C10orf90: variants seen among roughly 807,000 people sequenced by gnomAD.
The protein encoded by C10orf90 is chromosome 10 open reading frame 90, also known as (E2-independent) E3 ubiquitin-conjugating enzyme FATS.
Under a neutral mutation model 62.5 loss-of-function variants are expected in C10orf90, and 56 were observed. The observed-to-expected ratio is 0.90, with a 90% confidence interval of 0.72 to 1.12. The LOEUF (loss-of-function observed/expected upper bound fraction) is 1.12. C10orf90 is among the 50% of genes most tolerant of loss of function. The pLI, the probability that C10orf90 is intolerant of heterozygous loss-of-function variation, is 0.00. For synonymous variants in C10orf90, 386 were observed against 340.4 expected (o/e 1.13, Z -1.47); for missense variants, 970 against 880.4 (o/e 1.10, Z -1.29).
chr10:126,483,230 G>A (rs1360695980), intron 4 of C10orf90, among the ~76,000 whole-genome samples: 1 of 152,202 alleles, frequency 6.6e-6, no homozygotes, highest in South Asian at 2.1e-4. Flanking sequence ...TTCATTCTTC[G>A]CAGGTGAGCC....
chr10:126,557,554 C>T (rs187872793), intron 2 of C10orf90, among the ~76,000 whole-genome samples: 1 of 152,042 alleles, frequency 6.6e-6, no homozygotes, highest in Admixed American at 6.5e-5. Flanking sequence ...GTAAACACTG[C>T]CCGGATTTGA....
chr10:126,466,901 A>G (rs9919398), intron 4 of C10orf90, among the ~76,000 whole-genome samples: 46,696 of 152,114 alleles, frequency 0.31, 7,253 homozygotes, highest in African/African-American at 0.34. Flanking sequence ...TTTTATTTCA[A>G]AACATTGGTT....
chr10:126,532,575 C>G (rs956818145), intron 2 of C10orf90, among the ~76,000 whole-genome samples: 37 of 151,764 alleles, frequency 2.4e-4, no homozygotes, highest in African/African-American at 8.0e-4. Context: ...CGGTGGCTCA[C>G]GCCTATAGTC....
At chr10:126,541,739 C>T (rs940298290) in intron 2 of C10orf90, among the ~76,000 whole-genome samples, 9 of 152,132 alleles carry the variant, frequency 5.9e-5, no homozygotes, top group African/African-American at 1.2e-4. Context: ...AAGTCTCATC[C>T]GTTGCCAATG....
At chr10:126,632,439 T>C (rs1321829384) in intron 2 of C10orf90, among the ~76,000 whole-genome samples, 1 of 151,686 alleles carries the variant, frequency 6.6e-6, no homozygotes, top group East Asian at 2.0e-4. Flanking sequence ...ATATTCCCAT[T>C]TGGTAGATAA....
At chr10:126,562,845 C>T (rs1164978179) in intron 2 of C10orf90, among the ~76,000 whole-genome samples, 2 of 152,174 alleles carry the variant, frequency 1.3e-5, no homozygotes, top group African/African-American at 2.4e-5. Context: ...TGCACATAAC[C>T]CCATCTGCCA....
At chr10:126,493,043 G>A (rs977083261) in intron 4 of C10orf90, among the ~76,000 whole-genome samples, 6 of 151,856 alleles carry the variant, frequency 4.0e-5, no homozygotes, top group African/African-American at 1.2e-4. Context: ...GGAAGCTCAC[G>A]TAGCCATTAA....
At chr10:126,625,908 A>G (rs1382231935) in intron 2 of C10orf90, among the ~76,000 whole-genome samples, 1 of 152,108 alleles carries the variant, frequency 6.6e-6, no homozygotes, top group South Asian at 2.1e-4. Flanking sequence ...TGAGGTCAGG[A>G]GTTAGAAACC....
chr10:126,455,803 A>T (rs961442527), intron 7 of C10orf90, among the ~76,000 whole-genome samples: 2 of 151,706 alleles, frequency 1.3e-5, no homozygotes, highest in African/African-American at 4.8e-5. Context: ...CCTAATTAAC[A>T]CTCACCCACA....
At chr10:126,536,069 C>T (rs929382327) in intron 2 of C10orf90, among the ~76,000 whole-genome samples, 2 of 152,168 alleles carry the variant, frequency 1.3e-5, no homozygotes, top group African/African-American at 2.4e-5. Context: ...GCCCACCATC[C>T]GCAAGATTTG....
intron 2 of C10orf90, among the ~76,000 whole-genome samples, chr10:126,515,052 C>T (rs1244905570): frequency 6.6e-6 from 1 of 152,192 alleles, no homozygotes; most frequent in African/African-American, 2.4e-5. Flanking sequence ...TAGAGTTCTG[C>T]CTTTATCAAC....
At chr10:126,584,242 C>T (rs1210455656) in intron 2 of C10orf90, among the ~76,000 whole-genome samples, 6 of 152,110 alleles carry the variant, frequency 3.9e-5, no homozygotes, top group Non-Finnish European at 8.8e-5. Flanking sequence ...ACCAGTCTAC[C>T]TTTCCATCTG....
intron 1 of C10orf90, among the ~76,000 whole-genome samples, chr10:126,660,233 T>C (rs547553650): frequency 6.6e-6 from 1 of 152,348 alleles, no homozygotes; most frequent in Admixed American, 6.5e-5. Flanking sequence ...TTAAGTTACA[T>C]TATATGGCAA....
intron 2 of C10orf90, among the ~76,000 whole-genome samples, chr10:126,563,668 G>C (rs1864954840): frequency 1.3e-5 from 2 of 152,162 alleles, no homozygotes; most frequent in South Asian, 2.1e-4. Flanking sequence ...CTCAGCAAAG[G>C]GATCTGTGAG....
At chr10:126,467,413 T>G (rs1026019741) in intron 4 of C10orf90, among the ~76,000 whole-genome samples, 1 of 152,204 alleles carries the variant, frequency 6.6e-6, no homozygotes, top group Non-Finnish European at 1.5e-5. Flanking sequence ...GCTCTTCTCC[T>G]CCCATGCACT....
chr10:126,588,789 G>A (rs957389017), intron 2 of C10orf90, among the ~76,000 whole-genome samples: 6 of 152,208 alleles, frequency 3.9e-5, no homozygotes, highest in African/African-American at 1.2e-4. Context: ...AAAAGCCAGA[G>A]TGCCTCTTCT....
chr10:126,644,345 T>C (rs1282486204), intron 2 of C10orf90, among the ~76,000 whole-genome samples: 1 of 152,220 alleles, frequency 6.6e-6, no homozygotes, highest in Non-Finnish European at 1.5e-5. Context: ...TTTAAACAAG[T>C]GCCCAGTGCA....
intron 4 of C10orf90, among the ~76,000 whole-genome samples, chr10:126,491,727 G>T (rs1457248230): frequency 6.6e-6 from 1 of 152,180 alleles, no homozygotes; most frequent in East Asian, 1.9e-4. Context: ...TATAAGTCAG[G>T]GAAATCCTTG....
intron 2 of C10orf90, among the ~76,000 whole-genome samples, chr10:126,553,129 A>T (rs1328850703): frequency 6.6e-6 from 1 of 152,210 alleles, no homozygotes; most frequent in Non-Finnish European, 1.5e-5. Context: ...AAGGATACAG[A>T]AAAGCTCTGA....
Sources: allele counts gnomAD v4.1 joint callset (sites outside exome capture counted in the v4.1 genomes callset), GRCh38; gene constraint gnomAD v4.1.1; transcripts MANE v1.5; gene names NCBI Gene and HGNC (gene_info 2026-07-23, HGNC 2026-07-21).